Variants in FGA observed in about 807,000 individuals in gnomAD.
FGA encodes fibrinogen alpha chain.
FGA carries 20 observed loss-of-function variants against 20.3 expected under a neutral mutation model. The observed-to-expected ratio is 0.99, with a 90% confidence interval of 0.69 to 1.43. FGA has a LOEUF of 1.43. FGA is among the 40% of genes most tolerant of loss of function. FGA has a pLI of 0.00. For synonymous variants in FGA, 306 were observed against 281.6 expected (o/e 1.09, Z -0.87); for missense variants, 777 against 784.7 (o/e 0.99, Z 0.12).
downstream of FGA, chr4:154,583,726 T>A (rs1016186997): frequency 5.5e-5 from 11 of 198,292 alleles, no homozygotes; most frequent in Non-Finnish European, 9.4e-5. Context: ...AATATTGGCT[T>A]AAAACAATTC....
downstream of FGA, chr4:154,584,746 G>GA (rs757027534): frequency 3.1e-6 from 5 of 1,613,932 alleles, no homozygotes; most frequent in Middle Eastern, 1.6e-4. Flanking sequence ...GCAATAAACA[G>GA]AAAAAATCTT....
At position 154,585,585 on chromosome 4, in the gene FGA, C is replaced by A; in HGVS notation, c.1844G>T (p.Gly615Val). Residue 615 changes from glycine to valine, a missense_variant, in exon 5 of 5, where the codon GGA (glycine) becomes GTA (valine). Transcript: ENST00000403106. Reference protein sequence around the residue: ...DEAGSEADHEGTHSTKRGHAK... With the variant: ...DEAGSEADHEVTHSTKRGHAK... The stretch of plus-strand genomic sequence containing the variant: ...ATGGCCTCTCTTGGTGCTATGTGTT[C>A]CTTCATGATCGGCTTCACTTCCGGC... 1 of 1,614,164 alleles carries A rather than the reference C, an allele frequency of 6.2e-7. No individual in the cohort carries two copies. The highest frequency in any genetic ancestry group is 8.5e-7 in the Non-Finnish European group (1 of 1,180,026).
At chr4:154,584,827 T>G (rs568033755), downstream of FGA, 49 of 1,610,490 alleles carry the variant, frequency 3.0e-5, no homozygotes, top group Non-Finnish European at 2.2e-5. Flanking sequence ...GAGGACATCA[T>G]CACAGTCTAA....
chr4:154,587,192 A>T (rs1428497238), intron 4 of FGA, among the ~76,000 whole-genome samples: 1 of 152,122 alleles, frequency 6.6e-6, no homozygotes, highest in African/African-American at 2.4e-5. Context: ...TTCCCTCTCA[A>T]AGGAAACGCT....
At chr4:154,589,346 TA>T (rs1310320809) in intron 2 of FGA, 90 bp downstream of exon 2, 6 of 1,501,550 alleles carry the variant, frequency 4.0e-6, no homozygotes, top group South Asian at 3.4e-5. Flanking sequence ...ATTTTCTATT[TA>T]AAAAAGTTTC....
chr4:154,590,597 G>C, intron 1 of FGA, 37 bp downstream of exon 1: 1 of 1,513,298 alleles, frequency 6.6e-7, no homozygotes, highest in Non-Finnish European at 9.0e-7. Context: ...ATAAACACCA[G>C]AGAGAAAGCA....
chr4:154,584,807 G>T, downstream of FGA: 2 of 1,613,560 alleles, frequency 1.2e-6, no homozygotes, highest in Non-Finnish European at 8.5e-7. Flanking sequence ...GTACCTGAAG[G>T]ATGTGTTTGG....
rs751773097 is a variant in FGA, at chr4:154,586,232, G to C, written c.1197C>G (p.Gly399=). The part of the protein sequence containing the change: ...ESGSFRPDSP[G]SGNARPNNPD... Reference sequence around the variant, plus strand: ...GGTTGTTAGGCCTCGCGTTCCCAGAGCCTGGGCTATCTGGCCTAAAACTTC... The same window carrying C: ...GGTTGTTAGGCCTCGCGTTCCCAGACCCTGGGCTATCTGGCCTAAAACTTC... Residue 399 remains glycine, a synonymous_variant, in exon 5 of 5, where the codon GGC becomes GGG. Coordinates refer to ENST00000403106, the MANE Select transcript of FGA (RefSeq NM_021871.4). 2 of 1,613,960 alleles carry C rather than the reference G, an allele frequency of 1.2e-6. No individual in the cohort carries two copies. Among genetic ancestry groups the C allele is most frequent in the African/African-American group, 2.7e-5 (2 of 74,932 alleles).
At chr4:154,584,486 C>T, downstream of FGA, 1 of 1,614,188 alleles carries the variant, frequency 6.2e-7, no homozygotes, top group Non-Finnish European at 8.5e-7. Context: ...CCTTCAGCCT[C>T]AGAGCCTACC....
Position 154,587,545 on chromosome 4 carries a change from A to G in FGA, c.477T>C (p.Val159=), listed in dbSNP as rs1184646825. The change falls in exon 4 of 5, where the codon GTT becomes GTC. Residue 159 remains valine, a synonymous_variant. Transcript: ENST00000403106. ...VQHIQLLQKN[V]RAQLVDMKRL... ...GTTTCATATCAACCAACTGAGCTCT[A>G]ACATTTTTCTGCAGAAGCTGGATAT... 1 of 1,613,962 alleles carries G rather than the reference A, an allele frequency of 6.2e-7. No individual in the cohort carries two copies. The highest frequency in any genetic ancestry group is 1.7e-5 in the Admixed American group (1 of 60,008).
chr4:154,583,877 G>A (rs1730642447), downstream of FGA: 1 of 500,816 alleles, frequency 2.0e-6, no homozygotes, highest in East Asian at 3.8e-5. Flanking sequence ...GTACTGAATG[G>A]CCCTTGGTAT....
chr4:154,584,505 A>G (rs769855583), downstream of FGA: 4 of 1,614,040 alleles, frequency 2.5e-6, no homozygotes, highest in South Asian at 3.3e-5. Flanking sequence ...CCCGGAAGTG[A>G]TATTCTGCAT....
downstream of FGA, chr4:154,584,604 G>A: frequency 6.2e-7 from 1 of 1,614,164 alleles, no homozygotes; most frequent in Non-Finnish European, 8.5e-7. Flanking sequence ...TGCCTAGCCA[G>A]AATTCTCCTT....
chr4:154,588,348 GACCCTATATTTTAAAT>G, intron 3 of FGA, among the ~76,000 whole-genome samples: 1 of 152,298 alleles, frequency 6.6e-6, no homozygotes, highest in East Asian at 1.9e-4. Flanking sequence ...GACGTAGCTT[GACCCTATATTTTAAAT>G]TTAAAAATCT....
intron 2 of FGA, 118 bp from the exon 3 acceptor site, chr4:154,589,094 T>A: frequency 2.2e-6 from 2 of 903,204 alleles, no homozygotes; most frequent in African/African-American, 1.7e-5. Context: ...TAAGTTGGCT[T>A]AAAAGTAGGT....
At chr4:154,583,763 G>T, downstream of FGA, 1 of 217,472 alleles carries the variant, frequency 4.6e-6, no homozygotes, top group Middle Eastern at 1.9e-3. Context: ...ACAACTTTTT[G>T]CTTTCCAATG....
In FGA at chr4:154,585,428, T is replaced by A; in HGVS notation, c.*66A>T. Reference sequence around the variant, plus strand: ...AAAAAAGTGTAGTTTCAATGACGTGTAACAGAGAGTTAAGAAGGAAATGCA... The same window carrying A: ...AAAAAAGTGTAGTTTCAATGACGTGAAACAGAGAGTTAAGAAGGAAATGCA... On this transcript the variant is annotated 3_prime_UTR_variant, in exon 5 of 5. Coordinates refer to ENST00000403106, the MANE Select transcript of FGA (RefSeq NM_021871.4). 1 of 1,236,640 alleles carries A rather than the reference T, an allele frequency of 8.1e-7. No individual in the cohort carries two copies. Among genetic ancestry groups the A allele is most frequent in the Non-Finnish European group, 1.2e-6 (1 of 849,964 alleles). The allele number at this position is 1,236,640 out of a possible 1,614,324, so 76.6% of individuals were successfully genotyped here.
chr4:154,589,137 T>A (rs1730809699), intron 2 of FGA, among the ~76,000 whole-genome samples, 161 bp from the exon 3 acceptor site: 1 of 152,154 alleles, frequency 6.6e-6, no homozygotes, highest in Non-Finnish European at 1.5e-5. Flanking sequence ...AGAGAAACTC[T>A]GGAATGAGGG....
downstream of FGA, chr4:154,583,146 C>T (rs918069147): frequency 6.6e-6 from 1 of 152,018 alleles, no homozygotes; most frequent in Non-Finnish European, 1.5e-5. Context: ...TATTTTAATA[C>T]ATATTCAAGA....
Sources: gnomAD v4.1 joint callset for allele counts (sites outside exome capture counted in the v4.1 genomes callset) on GRCh38, gnomAD v4.1.1 for gene constraint, MANE v1.5 for transcripts, NCBI Gene and HGNC (gene_info 2026-07-23, HGNC 2026-07-21) for gene names.